IGBP1C: variants seen among roughly 807,000 people sequenced by gnomAD.
IGBP1C encodes IGBP1 family member C.
chr17:58,679,975 C>A, the IGBP1C span, among the ~76,000 whole-genome samples: 3 of 152,206 alleles, frequency 2.0e-5, no homozygotes, highest in African/African-American at 7.2e-5. Context: ...GGTGACACGA[C>A]TGAAATAAAA....
At chr17:58,672,814 C>T in the IGBP1C span, among the ~76,000 whole-genome samples, 1 of 151,330 alleles carries the variant, frequency 6.6e-6, no homozygotes, top group Non-Finnish European at 1.5e-5. Context: ...TTACTGCAAC[C>T]TTTGCCTCCT....
chr17:58,674,999 A>T, the IGBP1C span, among the ~76,000 whole-genome samples: 1 of 151,976 alleles, frequency 6.6e-6, no homozygotes, highest in South Asian at 2.1e-4. Context: ...CACAAAAATT[A>T]GCTGGGCATG....
At chr17:58,689,224 G>A in the IGBP1C span, among the ~76,000 whole-genome samples, 1 of 151,550 alleles carries the variant, frequency 6.6e-6, no homozygotes, top group Non-Finnish European at 1.5e-5. Context: ...ATCACGCTCA[G>A]CTAATTTATT....
At chr17:58,675,315 T>A in the IGBP1C span, 1 of 153,230 alleles carries the variant, frequency 6.5e-6, no homozygotes, top group African/African-American at 2.4e-5. Flanking sequence ...ACTAGTTGAT[T>A]TTCCCGAAAA....
chr17:58,669,242 C>T, the IGBP1C span, among the ~76,000 whole-genome samples: 1 of 151,990 alleles, frequency 6.6e-6, no homozygotes, highest in Admixed American at 6.6e-5. Context: ...ATTCCAGCTA[C>T]TCAGGAGGCT....
At chr17:58,683,970 CAGA>C in the IGBP1C span, among the ~76,000 whole-genome samples, 1 of 151,912 alleles carries the variant, frequency 6.6e-6, no homozygotes, top group Non-Finnish European at 1.5e-5. Flanking sequence ...GAGGCTGAGG[CAGA>C]AGAACTGCTT....
At chr17:58,672,585 C>A in the IGBP1C span, among the ~76,000 whole-genome samples, 1 of 152,168 alleles carries the variant, frequency 6.6e-6, no homozygotes, top group African/African-American at 2.4e-5. Flanking sequence ...AGGCACGCGC[C>A]ACCAGGCCCA....
the IGBP1C span, among the ~76,000 whole-genome samples, chr17:58,685,986 C>T: frequency 1.6e-3 from 193 of 120,290 alleles, 8 homozygotes; most frequent in South Asian, 0.052. Context: ...CAGGGCAAGA[C>T]TCTGTCTCAC....
At chr17:58,669,088 A>C in the IGBP1C span, among the ~76,000 whole-genome samples, 3 of 152,210 alleles carry the variant, frequency 2.0e-5, no homozygotes, top group African/African-American at 7.2e-5. Flanking sequence ...ACAGTGGCTC[A>C]TGCCTATAAT....
chr17:58,677,453 T>A, the IGBP1C span: 1 of 152,118 alleles, frequency 6.6e-6, no homozygotes, highest in Non-Finnish European at 1.5e-5. Context: ...AACTAAATAG[T>A]AGTACAGCTT....
the IGBP1C span, chr17:58,666,673 A>G: frequency 7.9e-5 from 12 of 152,198 alleles, no homozygotes. Flanking sequence ...CCATAATCAC[A>G]GTATTTCTCC....
the IGBP1C span, among the ~76,000 whole-genome samples, chr17:58,669,373 C>A: frequency 6.8e-6 from 1 of 147,828 alleles, no homozygotes; most frequent in Non-Finnish European, 1.5e-5. Context: ...AAAAAAAAAA[C>A]AGGAGGGGGT....
chr17:58,676,402 A>C, the IGBP1C span, among the ~76,000 whole-genome samples: 6 of 151,880 alleles, frequency 4.0e-5, no homozygotes, highest in East Asian at 5.8e-4. Context: ...AACAAAAAAA[A>C]ACACAAAAAA....
At chr17:58,691,337 G>A in the IGBP1C span, among the ~76,000 whole-genome samples, 1 of 151,894 alleles carries the variant, frequency 6.6e-6, no homozygotes, top group African/African-American at 2.4e-5. Flanking sequence ...TATTTAGAAA[G>A]TTCTTCTAAG....
chr17:58,668,258 C>T, the IGBP1C span, among the ~76,000 whole-genome samples: 2 of 152,194 alleles, frequency 1.3e-5, no homozygotes, highest in South Asian at 4.1e-4. Context: ...GGACTTGTGC[C>T]CAGTCTTTCT....
the IGBP1C span, chr17:58,666,458 C>CAAACAAAAAAAAAAAA: frequency 1.4e-4 from 5 of 36,812 alleles, no homozygotes; most frequent in African/African-American, 2.1e-4. Context: ...CCTTCCACGG[C>CAAACAAAAAAAAAAAA]AAAAAAAAAA....
chr17:58,674,141 T>G, the IGBP1C span, among the ~76,000 whole-genome samples: 1 of 151,888 alleles, frequency 6.6e-6, no homozygotes, highest in East Asian at 1.9e-4. Context: ...CTGGGTGTGG[T>G]GGCATGCGCC....
At chr17:58,691,499 T>G in the IGBP1C span, among the ~76,000 whole-genome samples, 2 of 151,436 alleles carry the variant, frequency 1.3e-5, no homozygotes, top group Non-Finnish European at 2.9e-5. Context: ...AAACCCCTTC[T>G]CTAATAATAA....
the IGBP1C span, among the ~76,000 whole-genome samples, chr17:58,678,922 G>A: frequency 6.6e-6 from 1 of 151,854 alleles, no homozygotes. Context: ...GGGAGGCCGA[G>A]GCAGGTAAAT....
Sources: gnomAD v4.1 joint callset for allele counts (sites outside exome capture counted in the v4.1 genomes callset) on GRCh38, gnomAD v4.1.1 for gene constraint, MANE v1.5 for transcripts, NCBI Gene and HGNC (gene_info 2026-07-23, HGNC 2026-07-21) for gene names.